Variants in PLEKHM1 observed in about 807,000 individuals in gnomAD.
PLEKHM1 encodes the protein pleckstrin homology domain-containing family M member 1.
PLEKHM1 carries 28 observed loss-of-function variants against 94.3 expected under a neutral mutation model. That is an observed-to-expected ratio of 0.30 (90% CI 0.22 to 0.41). The LOEUF (loss-of-function observed/expected upper bound fraction) is 0.41, where lower values mean the gene tolerates loss of function less well. PLEKHM1 is among the 10% of genes least tolerant of loss of function. The probability of loss-of-function intolerance (pLI) is 1.00; values close to 1 mark genes in which losing one functional copy is unlikely to be tolerated. For missense variants in PLEKHM1, 907 were observed against 1,358.6 expected (o/e 0.67, Z 5.22); for synonymous variants, 424 against 581.2 (o/e 0.73, Z 3.89).
At chr17:45,449,018 A>T (rs2050692026) in intron 8 of PLEKHM1, among the ~76,000 whole-genome samples, 1 of 152,234 alleles carries the variant, frequency 6.6e-6, no homozygotes. Flanking sequence ...TGGTTATGAC[A>T]CAGAATTTTG....
rs762394644 is a variant in PLEKHM1 at position 45,477,913 on chromosome 17, C to T, written c.283G>A (p.Ala95Thr). 39 of 1,613,906 alleles carry T rather than the reference C, an allele frequency of 2.4e-5. No homozygotes were observed. Among genetic ancestry groups the T allele is most frequent in the Non-Finnish European group, 2.9e-5 (34 of 1,179,996 alleles). Residue 95 changes from alanine to threonine, a missense_variant, in exon 3 of 12, where the codon GCT becomes ACT. Physicochemically the swap from Ala to Thr is moderately conservative, Grantham distance 58. This residue lies in a region of PLEKHM1 where 176 missense variants were observed against 306.0 expected (regional missense o/e 0.58). Transcript: ENST00000430334. ...GCTAAATCTCACTTGTGGGTGACAG[C>T]TTTCAGGAGGGGCCAGAAGACAGGC... ...PQPVFWPLLK[A>T]VTHKHIISEL...
Position 45,453,749 on chromosome 17 carries a change from A to G in PLEKHM1, c.2103T>C (p.Tyr701=), listed in dbSNP as rs199741015. 1.9e-5 allele frequency: 31 copies of G among 1,613,860 alleles called. 1 individual carries two copies. In the Middle Eastern group the frequency reaches 4.9e-4, roughly 26 times the overall value. ...YLYMDRTWMP[Y]IFSLSLEALK... ...GAGCCTCCAAGGACAGAGAAAATATATAGGGCATCCAGGTCCTGTCCATGT... is the reference window on the plus strand; with the variant it reads ...GAGCCTCCAAGGACAGAGAAAATATGTAGGGCATCCAGGTCCTGTCCATGT... Residue 701 remains tyrosine (Y), a synonymous_variant, in exon 7 of 12, where the codon TAT becomes TAC. Transcript: ENST00000430334. This position sits in a 1 kb window ranked among gnomAD's most constrained non-coding sequence, Gnocchi z 4.1.
intron 8 of PLEKHM1, among the ~76,000 whole-genome samples, chr17:45,449,322 C>A (rs1184727378): frequency 1.3e-5 from 2 of 151,782 alleles, no homozygotes; most frequent in Non-Finnish European, 2.9e-5. Context: ...ACCCATCTAC[C>A]CATTCACCTA....
At chr17:45,487,661 A>G (rs914950628) in intron 1 of PLEKHM1, 2 of 455,674 alleles carry the variant, frequency 4.4e-6, no homozygotes, top group Non-Finnish European at 8.8e-6. Context: ...CCTTCTCTAT[A>G]TGTCCAATTT....
intron 11 of PLEKHM1, among the ~76,000 whole-genome samples, chr17:45,438,323 G>A (rs1453521080): frequency 6.6e-6 from 1 of 152,088 alleles, no homozygotes; most frequent in African/African-American, 2.4e-5. Flanking sequence ...CACAAGGTCA[G>A]GAGATCGAGA....
chr17:45,482,565 C>A, intron 1 of PLEKHM1, 40 bp from the exon 2 acceptor site: 1 of 1,080,306 alleles, frequency 9.3e-7, no homozygotes, highest in East Asian at 2.4e-5. Context: ...GGGCAGGGAA[C>A]TTTCCCCCAG....
chr17:45,481,759 A>G lies in PLEKHM1; in HGVS notation c.48+678T>C, dbSNP rs1464295609. Among the ~76,000 whole-genome samples, 3 of 151,608 alleles carry G rather than the reference A, an allele frequency of 2.0e-5. No individual in the cohort carries two copies. In the East Asian group the frequency reaches 5.8e-4, roughly 29 times the overall value. On this transcript the variant is annotated intron_variant, in intron 2 of 11. Coordinates refer to ENST00000430334, the MANE Select transcript of PLEKHM1 (RefSeq NM_014798.3). ...GACTCTCCTGTGGCCAGGACGGGGA[A>G]AGGCACGTCTCTGAGAGCTACAGTT...
chr17:45,457,517 A>G (rs1233795852), intron 6 of PLEKHM1, among the ~76,000 whole-genome samples: 2 of 151,606 alleles, frequency 1.3e-5, no homozygotes, highest in Admixed American at 6.6e-5. Context: ...CTGAGATCAC[A>G]TGATTGCACT....
At chr17:45,474,133 T>C (rs1158525839) in intron 4 of PLEKHM1, among the ~76,000 whole-genome samples, 1 of 151,738 alleles carries the variant, frequency 6.6e-6, no homozygotes, top group Non-Finnish European at 1.5e-5. Context: ...CTCAGCTCAC[T>C]GCAAGCTCCA....
At chr17:45,461,455 C>A (rs1298739865) in intron 5 of PLEKHM1, among the ~76,000 whole-genome samples, 1 of 152,198 alleles carries the variant, frequency 6.6e-6, no homozygotes, top group Non-Finnish European at 1.5e-5. Flanking sequence ...TCTTAAAAAA[C>A]CATTGCCTAA....
chr17:45,458,519 G>A, intron 5 of PLEKHM1, 80 bp from the exon 6 acceptor site: 1 of 1,451,150 alleles, frequency 6.9e-7, no homozygotes, highest in Non-Finnish European at 9.6e-7. Context: ...TGCCCAGGCT[G>A]GAGTGCAATC....
chr17:45,479,664 T>A (rs2051879641), intron 2 of PLEKHM1, among the ~76,000 whole-genome samples: 1 of 151,884 alleles, frequency 6.6e-6, no homozygotes. Flanking sequence ...CCAGCCTGGG[T>A]GGCAGAGTGA....
At chr17:45,463,155 T>C in intron 5 of PLEKHM1, among the ~76,000 whole-genome samples, 1 of 151,134 alleles carries the variant, frequency 6.6e-6, no homozygotes, top group East Asian at 1.9e-4. Flanking sequence ...GGAAAAAGAC[T>C]ACTAGGAAAT....
At chr17:45,486,449 C>T (rs2052132443) in intron 1 of PLEKHM1, among the ~76,000 whole-genome samples, 2 of 151,454 alleles carry the variant, frequency 1.3e-5, no homozygotes, top group Admixed American at 1.3e-4. Context: ...GGGCGGGCAC[C>T]TGTAGTCCCA....
At chr17:45,487,762 C>T (rs1444023261) in intron 1 of PLEKHM1, 1 of 455,996 alleles carries the variant, frequency 2.2e-6, no homozygotes, top group African/African-American at 2.0e-5. Flanking sequence ...GGTTCCACCA[C>T]TCTCAAAACA....
intron 6 of PLEKHM1, among the ~76,000 whole-genome samples, chr17:45,457,807 C>T (rs1039223353): frequency 2.0e-5 from 3 of 152,162 alleles, no homozygotes; most frequent in African/African-American, 7.2e-5. Flanking sequence ...TGAGGGTAAA[C>T]ACGTTTGGAA....
chr17:45,460,200 G>A (rs1229901280), intron 5 of PLEKHM1: 3 of 152,176 alleles, frequency 2.0e-5, no homozygotes, highest in Non-Finnish European at 4.4e-5. Flanking sequence ...AGAAAGGCGG[G>A]AACAGATTCT....
At chr17:45,454,908 C>T (rs557784223) in intron 6 of PLEKHM1, 5 of 166,976 alleles carry the variant, frequency 3.0e-5, no homozygotes, top group African/African-American at 1.2e-4. Flanking sequence ...GTGGGTGGAT[C>T]ACTTGAGGTC....
At chr17:45,449,672 G>A (rs866770489) in intron 8 of PLEKHM1, among the ~76,000 whole-genome samples, 44 of 135,376 alleles carry the variant, frequency 3.3e-4, no homozygotes, top group African/African-American at 1.1e-3. Context: ...CTAGCCACCT[G>A]CTCATCCACC....
Sources: allele counts gnomAD v4.1 joint callset (sites outside exome capture counted in the v4.1 genomes callset), GRCh38; gene constraint gnomAD v4.1.1; regional missense constraint gnomAD v4.1.1; non-coding constraint Gnocchi (gnomAD v3.1); transcripts MANE v1.5; gene names NCBI Gene and HGNC (gene_info 2026-07-23, HGNC 2026-07-21).